The following DISC1 variants were observed in gnomAD, a reference collection of about 807,000 sequenced individuals.
The protein encoded by DISC1 is DISC1 scaffold protein, also known as disrupted in schizophrenia 1 protein.
Under a neutral mutation model 84.5 loss-of-function variants are expected in DISC1, and 57 were observed. The observed-to-expected ratio is 0.67, with a 90% CI of 0.55 to 0.84. The LOEUF (loss-of-function observed/expected upper bound fraction) is 0.84. Among genes scored for constraint, DISC1 ranks in the 40% least tolerant of loss-of-function variants. The pLI is 0.00. For synonymous variants in DISC1, 411 were observed against 415.2 expected, an observed-to-expected ratio of 0.99 and a Z score of 0.12; for missense variants, 1,000 against 1,057.8, an observed-to-expected ratio of 0.95 and a Z score of 0.76.
At chr1:231,732,123 G>A (rs2071598805) in intron 3 of DISC1, among the ~76,000 whole-genome samples, 1 of 152,156 alleles carries the variant, frequency 6.6e-6, no homozygotes, top group African/African-American at 2.4e-5. Flanking sequence ...ACTGTCATGA[G>A]GACTCTCCAA....
intron 9 of DISC1, among the ~76,000 whole-genome samples, chr1:231,896,619 C>A (rs1266999548): frequency 6.6e-6 from 1 of 152,088 alleles, no homozygotes; most frequent in Non-Finnish European, 1.5e-5. Flanking sequence ...AGACTTGAGG[C>A]TTATAGATGT....
chr1:231,962,774 C>T (rs368798098), intron 10 of DISC1, among the ~76,000 whole-genome samples: 12 of 152,286 alleles, frequency 7.9e-5, no homozygotes, highest in African/African-American at 2.9e-4. Flanking sequence ...AACTCATCCT[C>T]TCTCCCTCCA....
At chr1:231,654,946 C>A (rs1464796840) in intron 1 of DISC1, among the ~76,000 whole-genome samples, 2 of 152,200 alleles carry the variant, frequency 1.3e-5, no homozygotes, top group Non-Finnish European at 2.9e-5. Context: ...AAGGCTGAAT[C>A]TTTTACCTGT....
chr1:231,750,285 G>A (rs566011987), intron 4 of DISC1: 1 of 1,371,994 alleles, frequency 7.3e-7, no homozygotes, highest in Non-Finnish European at 9.4e-7. Flanking sequence ...AGACTTTTCT[G>A]CCACTTGACA....
Position 232,037,127 on chromosome 1 carries a change from C to A in DISC1, c.*296C>A. 1 of 212,014 alleles carries A rather than the reference C, an allele frequency of 4.7e-6. No individual in the cohort carries two copies. The highest frequency in any genetic ancestry group is 9.3e-6 in the Non-Finnish European group (1 of 107,984). The allele number at this position is 212,014 out of a possible 1,614,324, so 13.1% of individuals were successfully genotyped here. ...CCACAGGATTTGAGAATAGTTTCAT[C>A]TCAGCCCCCATTAGAGAGAAGTTGG... On this transcript the variant is annotated 3_prime_UTR_variant, in exon 13 of 13. Coordinates refer to ENST00000439617, the MANE Select transcript of DISC1 (RefSeq NM_018662.3).
At chr1:231,645,200 T>G (rs1377478589) in intron 1 of DISC1, among the ~76,000 whole-genome samples, 3 of 152,170 alleles carry the variant, frequency 2.0e-5, no homozygotes, top group Non-Finnish European at 4.4e-5. Context: ...CAGAGAGATC[T>G]GTGTCAGAAG....
intron 9 of DISC1, among the ~76,000 whole-genome samples, chr1:231,927,756 A>G (rs2090433522): frequency 6.6e-6 from 1 of 152,222 alleles, no homozygotes; most frequent in South Asian, 2.1e-4. Flanking sequence ...TATGCAACAA[A>G]GGAGATAGGC....
At chr1:231,793,050 C>A (rs761537487) in intron 6 of DISC1, among the ~76,000 whole-genome samples, 3 of 152,174 alleles carry the variant, frequency 2.0e-5, no homozygotes, top group African/African-American at 7.2e-5. Context: ...GGACCTGCAC[C>A]AGTTCCCAGG....
intron 4 of DISC1, among the ~76,000 whole-genome samples, chr1:231,758,260 A>G (rs1288077127): frequency 6.6e-6 from 1 of 152,148 alleles, no homozygotes; most frequent in African/African-American, 2.4e-5. Flanking sequence ...CTCTGCTGTT[A>G]AGAGAACCTA....
intron 12 of DISC1, among the ~76,000 whole-genome samples, chr1:232,028,764 C>T (rs574861081): frequency 6.6e-6 from 1 of 152,252 alleles, no homozygotes; most frequent in Admixed American, 6.5e-5. Context: ...CCAAGAACAT[C>T]CCATTTATAC....
chr1:231,818,303 T>G, intron 8 of DISC1, 26 bp from the exon 9 acceptor site: 3 of 1,612,132 alleles, frequency 1.9e-6, no homozygotes, highest in Non-Finnish European at 2.5e-6. Flanking sequence ...TTGTTTTCCC[T>G]TCTTCTCTCC....
intron 2 of DISC1, among the ~76,000 whole-genome samples, chr1:231,697,887 T>C (rs577642958): frequency 6.6e-6 from 1 of 152,332 alleles, no homozygotes; most frequent in South Asian, 2.1e-4. Flanking sequence ...TTTTGTGGTC[T>C]ATTTAATGCC....
chr1:231,885,177 A>AT (rs1274595175), intron 9 of DISC1, among the ~76,000 whole-genome samples: 1 of 152,154 alleles, frequency 6.6e-6, no homozygotes, highest in Non-Finnish European at 1.5e-5. Context: ...TGCCTTAGAG[A>AT]TTTTGTCCTG....
In DISC1 at chr1:231,831,730, C is replaced by G. The variant is rs536386183; in HGVS notation, c.1981+13213C>G. ...GGAAACCTCTTTCAGCCCATGTGAC[C>G]ACATGGTGGTGTATGATATGGAAGG... On this transcript the variant is annotated intron_variant, in intron 9 of 12. Coordinates refer to ENST00000439617, the MANE Select transcript of DISC1 (RefSeq NM_018662.3). Among the ~76,000 whole-genome samples, 5 of 152,226 alleles carry G rather than the reference C, an allele frequency of 3.3e-5. No homozygotes were observed. In the South Asian group the frequency reaches 1.0e-3, roughly 32 times the overall value.
chr1:231,669,543 C>T (rs181358808), intron 1 of DISC1, among the ~76,000 whole-genome samples: 1 of 151,600 alleles, frequency 6.6e-6, no homozygotes, highest in African/African-American at 2.4e-5. Flanking sequence ...AACAAACAAC[C>T]CCATTAAAAA....
At chr1:231,888,123 G>A (rs559862056) in intron 9 of DISC1, among the ~76,000 whole-genome samples, 3 of 152,356 alleles carry the variant, frequency 2.0e-5, no homozygotes, top group South Asian at 4.1e-4. Flanking sequence ...CATGATGGGA[G>A]TGATAATCCC....
At chr1:231,816,657 T>C (rs2081015067) in intron 8 of DISC1, among the ~76,000 whole-genome samples, 1 of 152,228 alleles carries the variant, frequency 6.6e-6, no homozygotes, top group South Asian at 2.1e-4. Context: ...GCACCATTTA[T>C]TGAAAATACT....
chr1:231,852,855 A>G (rs1296984860), intron 9 of DISC1, among the ~76,000 whole-genome samples: 1 of 152,232 alleles, frequency 6.6e-6, no homozygotes, highest in Non-Finnish European at 1.5e-5. Context: ...TTTTGTTTTT[A>G]ACATGAAAAA....
At chr1:231,800,082 AT>A (rs1558566682) in intron 7 of DISC1, 25 bp from the exon 8 acceptor site, 3 of 1,564,140 alleles carry the variant, frequency 1.9e-6, no homozygotes, top group Middle Eastern at 1.7e-4. Context: ...ATAAATGATG[AT>A]TCCTGGTCAT....
Sources: allele counts gnomAD v4.1 joint callset (sites outside exome capture counted in the v4.1 genomes callset), GRCh38; gene constraint gnomAD v4.1.1; transcripts MANE v1.5; gene names NCBI Gene and HGNC (gene_info 2026-07-23, HGNC 2026-07-21).